Variants in BAZ2B observed in about 807,000 individuals in gnomAD.
BAZ2B encodes bromodomain adjacent to zinc finger domain 2B.
In BAZ2B, 91 loss-of-function variants were observed where a neutral mutation model predicts 246.0. The observed-to-expected ratio is 0.37, with a 90% CI of 0.31 to 0.44. The LOEUF is 0.44. Among genes scored for constraint, BAZ2B ranks in the 20% least tolerant of loss-of-function variants. The pLI is 1.00. For missense variants in BAZ2B, 2,332 were observed against 2,533.7 expected, an observed-to-expected ratio of 0.92 and a Z score of 1.71; for synonymous variants, 855 against 860.0, an observed-to-expected ratio of 0.99 and a Z score of 0.10.
chr2:159,676,651 A>ACACACG, the BAZ2B span, among the ~76,000 whole-genome samples: 1 of 149,654 alleles, frequency 6.7e-6, no homozygotes, highest in African/African-American at 2.5e-5. Context: ...CTAAATGCAC[A>ACACACG]CACACACACA....
At chr2:159,462,056 T>C (rs1443490090) in intron 3 of BAZ2B, 2 of 239,296 alleles carry the variant, frequency 8.4e-6, no homozygotes, top group Non-Finnish European at 1.6e-5. Flanking sequence ...AATGACCATA[T>C]ACCTTGTCTA....
chr2:159,599,952 A>G (rs1691737437), intron 1 of BAZ2B, among the ~76,000 whole-genome samples: 1 of 150,976 alleles, frequency 6.6e-6, no homozygotes, highest in South Asian at 2.1e-4. Flanking sequence ...AAAAAAAAAA[A>G]AGAAAAGAAA....
chr2:159,316,689 C>CACAAAA (rs2062159003), downstream of BAZ2B, among the ~76,000 whole-genome samples: 1 of 36,244 alleles, frequency 2.8e-5, no homozygotes, highest in Non-Finnish European at 4.6e-5. Flanking sequence ...GACTCCATCT[C>CACAAAA]AAAAAAAAAA....
At chr2:159,663,855 C>CTTTTTTTTTTTTTT in the BAZ2B span, among the ~76,000 whole-genome samples, 1 of 92,498 alleles carries the variant, frequency 1.1e-5, no homozygotes, top group African/African-American at 4.1e-5. Flanking sequence ...AAACCATTTT[C>CTTTTTTTTTTTTTT]TTTTTTTTTT....
the BAZ2B span, among the ~76,000 whole-genome samples, chr2:159,686,817 C>T: frequency 1.3e-4 from 20 of 152,088 alleles, no homozygotes; most frequent in African/African-American, 3.4e-4. Context: ...CCAAGGCGGA[C>T]GGATCACAAG....
rs139012628 is a variant in BAZ2B, at chr2:159,556,659, G to A, written c.-45-794C>T. 4.2e-3 allele frequency among the ~76,000 whole-genome samples: 631 copies of A among 152,044 alleles called. 6 individuals carry two copies. Among genetic ancestry groups the A allele is most frequent in the East Asian group, 0.016 (81 of 5,164 alleles). On this transcript the variant is annotated intron_variant, in intron 1 of 36. Transcript: ENST00000392783. ...GTATTTTTTGTAGAGACAGTGTTTC[G>A]CTATGTTGGCCAGCCTGTTCTCAAA...
the BAZ2B span, among the ~76,000 whole-genome samples, chr2:159,630,921 C>T: frequency 6.6e-6 from 1 of 152,284 alleles, no homozygotes; most frequent in Admixed American, 6.5e-5. Context: ...TGGCCAGGCC[C>T]AGTGGCTCAC....
chr2:159,416,792 A>G (rs576032467), intron 13 of BAZ2B, among the ~76,000 whole-genome samples: 3 of 152,348 alleles, frequency 2.0e-5, no homozygotes, highest in Non-Finnish European at 2.9e-5. Context: ...GGGATTGCAT[A>G]TACTGGATTA....
the BAZ2B span, among the ~76,000 whole-genome samples, chr2:159,676,097 C>G: frequency 2.0e-5 from 3 of 152,132 alleles, no homozygotes; most frequent in Non-Finnish European, 4.4e-5. Flanking sequence ...GTTTCACCAT[C>G]TTGGCCAGGC....
chr2:159,628,351 C>T, the BAZ2B span, among the ~76,000 whole-genome samples: 13 of 152,224 alleles, frequency 8.5e-5, no homozygotes, highest in African/African-American at 1.7e-4. Flanking sequence ...AAAATGAGCC[C>T]GCATGGCCAA....
intron 3 of BAZ2B, chr2:159,460,917 A>G (rs2076328446): frequency 6.6e-6 from 1 of 152,332 alleles, no homozygotes; most frequent in Non-Finnish European, 1.5e-5. Flanking sequence ...GAGCCAGTTA[A>G]CCTTTATATA....
At chr2:159,462,983 T>G (rs912051394) in intron 3 of BAZ2B, 13 of 893,736 alleles carry the variant, frequency 1.5e-5, no homozygotes, top group African/African-American at 3.3e-5. Context: ...AAATTTTGTT[T>G]CTTGGATCTA....
intron 4 of BAZ2B, among the ~76,000 whole-genome samples, chr2:159,449,264 C>T (rs1220850175): frequency 1.3e-5 from 2 of 151,986 alleles, no homozygotes; most frequent in Non-Finnish European, 2.9e-5. Flanking sequence ...TATATTGACC[C>T]ATCTAAAATC....
chr2:159,404,654 C>A (rs989726121), intron 16 of BAZ2B, 195 bp downstream of exon 16: 3 of 511,130 alleles, frequency 5.9e-6, no homozygotes, highest in Non-Finnish European at 1.0e-5. Flanking sequence ...GTAATCATTT[C>A]TTTAAACACT....
In BAZ2B at chr2:159,405,029, T is replaced by A; in HGVS notation, c.2763A>T (p.Lys921Asn). 6.2e-7 allele frequency: 1 copy of A among 1,613,980 alleles called. No homozygotes were observed. ...TACATTTAAATCACTCACCTTGTTGTTTTTTGGCTTCTTTAGCAACCCGAG... is the reference window on the plus strand; with the variant it reads ...TACATTTAAATCACTCACCTTGTTGATTTTTGGCTTCTTTAGCAACCCGAG... ...EQARVAKEAK[K>N]QQAIMAAEEK... Residue 921 changes from lysine (K) to asparagine (N), a missense_variant, in exon 15 of 37, where the codon AAA becomes AAT. Coordinates refer to ENST00000392783, the MANE Select transcript of BAZ2B (RefSeq NM_013450.4).
chr2:159,652,718 A>C, the BAZ2B span, among the ~76,000 whole-genome samples: 1 of 152,002 alleles, frequency 6.6e-6, no homozygotes, highest in Admixed American at 6.6e-5. Context: ...TCCTGGGTCA[A>C]GTGATCCTCC....
the BAZ2B span, chr2:159,689,939 G>C: frequency 5.4e-6 from 2 of 368,208 alleles, no homozygotes; most frequent in African/African-American, 2.2e-5. Flanking sequence ...ACTATCAGTA[G>C]TCTTGACATC....
chr2:159,672,654 C>T, the BAZ2B span, among the ~76,000 whole-genome samples: 1 of 151,938 alleles, frequency 6.6e-6, no homozygotes, highest in Admixed American at 6.6e-5. Flanking sequence ...TGACTCCTCC[C>T]CCTGAATAGA....
At chr2:159,343,070 C>T (rs542952932) in intron 31 of BAZ2B, among the ~76,000 whole-genome samples, 2 of 152,162 alleles carry the variant, frequency 1.3e-5, no homozygotes, top group Admixed American at 6.5e-5. Flanking sequence ...AAAACTGACA[C>T]ATAAACCAAT....
Sources: gnomAD v4.1 joint callset for allele counts (sites outside exome capture counted in the v4.1 genomes callset) on GRCh38, gnomAD v4.1.1 for gene constraint, MANE v1.5 for transcripts, NCBI Gene and HGNC (gene_info 2026-07-23, HGNC 2026-07-21) for gene names.